ME1: variants seen among roughly 807,000 people sequenced by gnomAD.
The protein encoded by ME1 is NADP-dependent malic enzyme.
A neutral mutation model predicts 66.4 loss-of-function variants in ME1; 74 were observed. The ratio of observed to expected loss-of-function variants is 1.11; its 90% CI spans 0.92 to 1.35. The LOEUF (loss-of-function observed/expected upper bound fraction) is 1.35. Among genes scored for constraint, ME1 ranks in the 40% most tolerant of loss-of-function variants. The pLI is 0.00. For missense variants in ME1, 750 were observed against 694.1 expected (o/e 1.08, Z -0.90); for synonymous variants, 251 against 235.6 (o/e 1.07, Z -0.60).
chr6:83,263,955 G>A (rs1051041246), intron 6 of ME1, among the ~76,000 whole-genome samples: 1 of 152,154 alleles, frequency 6.6e-6, no homozygotes, highest in African/African-American at 2.4e-5. Context: ...TTAAAATGGA[G>A]ACAAAATAGC....
At chr6:83,276,426 A>T (rs1562466797) in intron 6 of ME1, among the ~76,000 whole-genome samples, 1 of 152,208 alleles carries the variant, frequency 6.6e-6, no homozygotes, top group Non-Finnish European at 1.5e-5. Context: ...AAGCATGACA[A>T]TGTCCCAGGA....
intron 6 of ME1, among the ~76,000 whole-genome samples, chr6:83,269,275 G>C (rs939169053): frequency 2.2e-4 from 34 of 151,820 alleles, no homozygotes; most frequent in African/African-American, 8.2e-4. Context: ...AACTGTACAT[G>C]CAAGTATATA....
chr6:83,326,991 T>C (rs183316990), intron 5 of ME1, among the ~76,000 whole-genome samples: 185 of 152,348 alleles, frequency 1.2e-3, no homozygotes, highest in Middle Eastern at 6.8e-3. Context: ...TATAGACATT[T>C]ATTAGTTCCC....
chr6:83,282,511 G>C lies in ME1; in HGVS notation c.705-28773C>G, dbSNP rs145881989. Among the ~76,000 whole-genome samples the C allele has an allele frequency of 1.0e-3, 157 of 152,026 alleles. 2 individuals carry two copies. In the East Asian group the frequency reaches 0.028, roughly 27 times the overall value. ...TATGTGGCCAACAAACATGAAAAAA[G>C]CTCATCATCACTGGTCATTAGAGAA... On this transcript the variant is annotated intron_variant, in intron 6 of 13. Coordinates refer to ENST00000369705, the MANE Select transcript of ME1 (RefSeq NM_002395.6).
chr6:83,298,282 G>A (rs1024715774), intron 6 of ME1, among the ~76,000 whole-genome samples: 2 of 152,150 alleles, frequency 1.3e-5, no homozygotes, highest in African/African-American at 4.8e-5. Flanking sequence ...GTATCTCATT[G>A]TGGTTTTGAT....
chr6:83,289,582 G>C (rs575503901), intron 6 of ME1, among the ~76,000 whole-genome samples: 1 of 152,256 alleles, frequency 6.6e-6, no homozygotes, highest in South Asian at 2.1e-4. Context: ...AGGGATATTG[G>C]CCTGAAATTT....
chr6:83,251,978 A>C (rs1790733067), intron 7 of ME1, among the ~76,000 whole-genome samples: 2 of 152,226 alleles, frequency 1.3e-5, no homozygotes, highest in Admixed American at 1.3e-4. Flanking sequence ...AAAACATATA[A>C]GAAGGGGAAG....
rs986615556 is a variant in ME1, at chr6:83,392,793, T to C, written c.362+5574A>G. ...CGGTCATCATCTCTGCACCCTCTGC[T>C]GATGCCCCCATGTTCGTGATGGGTG... On this transcript the variant is annotated intron_variant, in intron 3 of 13. Transcript: ENST00000369705. The C allele has an allele frequency of 1.1e-5, 8 of 707,450 alleles. No homozygotes were observed. In the African/African-American group the frequency reaches 1.2e-4, roughly 11 times the overall value. 43.8% of individuals were successfully genotyped at this position (707,450 alleles called of 1,614,324 possible).
intron 3 of ME1, among the ~76,000 whole-genome samples, chr6:83,381,386 G>A (rs754371253): frequency 6.6e-6 from 1 of 151,534 alleles, no homozygotes; most frequent in Non-Finnish European, 1.5e-5. Context: ...AAGCCTGCAA[G>A]CTTAAGAAAT....
intron 1 of ME1, among the ~76,000 whole-genome samples, chr6:83,408,115 G>A (rs1207384110): frequency 6.6e-6 from 1 of 152,146 alleles, no homozygotes; most frequent in East Asian, 1.9e-4. Flanking sequence ...TTTCAGAGCT[G>A]TGCCACTCAG....
rs748188593 is a variant in ME1, at chr6:83,228,979, G to C, written c.1027-48C>G. ...AATTAAGAATCTGCCAAACATGTGA[G>C]GGTCAATAAATTTCGGTACATATAT... On this transcript the variant is annotated intron_variant, in intron 9 of 13. Coordinates refer to ENST00000369705, the MANE Select transcript of ME1 (RefSeq NM_002395.6). 11 of 1,277,172 alleles carry C rather than the reference G, an allele frequency of 8.6e-6. No individual in the cohort carries two copies. In the South Asian group the frequency reaches 1.3e-4, roughly 15 times the overall value. 79.1% of individuals were successfully genotyped at this position (1,277,172 alleles called of 1,614,324 possible). A position where few individuals can be genotyped will look rare whatever the true frequency, so the allele number is the denominator to read the frequency against.
chr6:83,250,657 A>ATAGATT (rs534119769), intron 7 of ME1, among the ~76,000 whole-genome samples: 93 of 152,324 alleles, frequency 6.1e-4, no homozygotes, highest in African/African-American at 2.1e-3. Flanking sequence ...GCAAGATGCC[A>ATAGATT]CCATCATAGA....
chr6:83,314,041 T>G (rs953577641), intron 6 of ME1, among the ~76,000 whole-genome samples: 11 of 152,198 alleles, frequency 7.2e-5, no homozygotes, highest in African/African-American at 2.7e-4. Context: ...TAGTGATGAC[T>G]TTATTTCTAA....
At chr6:83,421,569 T>C (rs539829633) in intron 1 of ME1, among the ~76,000 whole-genome samples, 2 of 152,224 alleles carry the variant, frequency 1.3e-5, no homozygotes, top group South Asian at 4.1e-4. Context: ...AGATTAAGTT[T>C]CCTGGCATTT....
At chr6:83,223,684 A>G in intron 12 of ME1, 76 bp downstream of exon 12, 1 of 1,380,662 alleles carries the variant, frequency 7.2e-7, no homozygotes, top group South Asian at 1.3e-5. Flanking sequence ...TGCTAGATAA[A>G]TAAAACATTA....
At chr6:83,307,437 C>G (rs949397244) in intron 6 of ME1, among the ~76,000 whole-genome samples, 2 of 151,908 alleles carry the variant, frequency 1.3e-5, no homozygotes, top group Non-Finnish European at 2.9e-5. Flanking sequence ...ATTTTTTTCA[C>G]CTGGTTATTT....
chr6:83,408,803 G>C (rs1001182940), intron 1 of ME1, among the ~76,000 whole-genome samples: 2 of 152,190 alleles, frequency 1.3e-5, no homozygotes, highest in Non-Finnish European at 2.9e-5. Context: ...CATCTGATTG[G>C]AGACACTGAA....
chr6:83,309,842 C>A (rs1293612467), intron 6 of ME1, among the ~76,000 whole-genome samples: 3 of 152,022 alleles, frequency 2.0e-5, no homozygotes, highest in African/African-American at 7.2e-5. Context: ...TACGAAGGAA[C>A]AATCAGTGAG....
intron 6 of ME1, among the ~76,000 whole-genome samples, chr6:83,302,176 T>A (rs1308164589): frequency 6.6e-6 from 1 of 152,192 alleles, no homozygotes; most frequent in Non-Finnish European, 1.5e-5. Context: ...CTGGAGGCCA[T>A]TATCCTTAGC....
Sources: gnomAD v4.1 joint callset for allele counts (sites outside exome capture counted in the v4.1 genomes callset) on GRCh38, gnomAD v4.1.1 for gene constraint, MANE v1.5 for transcripts, NCBI Gene and HGNC (gene_info 2026-07-23, HGNC 2026-07-21) for gene names.